PLEKHA2: variants seen among roughly 807,000 people sequenced by gnomAD.
PLEKHA2 encodes pleckstrin homology domain containing A2, also known as pleckstrin homology domain-containing family A member 2.
A neutral mutation model predicts 53.2 loss-of-function variants in PLEKHA2; 28 were observed. The ratio of observed to expected loss-of-function variants is 0.53; its 90% CI spans 0.39 to 0.72. The LOEUF is 0.72. PLEKHA2 is among the 30% of genes least tolerant of loss of function. The probability of loss-of-function intolerance (pLI) is 0.00; values close to 1 mark genes in which losing one functional copy is unlikely to be tolerated. For synonymous variants in PLEKHA2, 193 were observed against 196.4 expected (o/e 0.98, Z 0.14); for missense variants, 426 against 537.9 (o/e 0.79, Z 2.06).
chr8:38,938,919 T>G (rs553180437), intron 3 of PLEKHA2, among the ~76,000 whole-genome samples: 1 of 148,718 alleles, frequency 6.7e-6, no homozygotes, highest in African/African-American at 2.5e-5. Context: ...TTTTTTTAAA[T>G]TTGAGACAAA....
rs1189705359 is a variant in PLEKHA2 at position 38,969,711 on chromosome 8, G to A, written c.1206G>A (p.Glu402=). 1 of 1,457,794 alleles carries A rather than the reference G, an allele frequency of 6.9e-7. No individual in the cohort carries two copies. The highest frequency in any genetic ancestry group is 3.1e-5 in the East Asian group (1 of 32,518). 90.3% of individuals were successfully genotyped at this position (1,457,794 alleles called of 1,614,324 possible). A position where few individuals can be genotyped will look rare whatever the true frequency, so the allele number is the denominator to read the frequency against. ...LPSSRIRHRS[E]PQHPKEKPFM... ...GCTCCCGGATAAGGCACAGATCGGA[G>A]CCCCAGCACCCCAAGGAGAAGCCGT... The change falls in exon 12 of 12, where the codon GAG becomes GAA. Residue 402 remains glutamate, a synonymous_variant. Transcript: ENST00000617275.
At chr8:38,941,159 C>T (rs143719725) in intron 3 of PLEKHA2, among the ~76,000 whole-genome samples, 3,990 of 151,696 alleles carry the variant, frequency 0.026, 63 homozygotes, top group Middle Eastern at 0.055. Flanking sequence ...CGGGTTCAAG[C>T]GATTCTCCTG....
intron 1 of PLEKHA2, chr8:38,901,713 C>T (rs2152362241): frequency 6.7e-6 from 1 of 149,736 alleles, no homozygotes; most frequent in African/African-American, 2.5e-5. Context: ...AGGTCGCCGC[C>T]GCCAGGGGTC....
rs1181449673 is a variant in PLEKHA2 at position 38,970,482 on chromosome 8, C to A, written c.*699C>A. 6.3e-6 allele frequency: 1 copy of A among 158,440 alleles called. No individual in the cohort carries two copies. The highest frequency in any genetic ancestry group is 2.4e-5 in the African/African-American group (1 of 41,470). The allele number at this position is 158,440 out of a possible 1,614,324, so 9.8% of individuals were successfully genotyped here. On this transcript the variant is annotated 3_prime_UTR_variant, in exon 12 of 12. Coordinates refer to ENST00000617275, the MANE Select transcript of PLEKHA2 (RefSeq NM_021623.2). ...TGTTATGAGTTGCTGGCCAGAGATT[C>A]CTCAGATAAAAGAGCCTAGAAAATT...
intron 1 of PLEKHA2, among the ~76,000 whole-genome samples, chr8:38,917,030 C>T (rs1046412440): frequency 1.3e-5 from 2 of 152,146 alleles, no homozygotes; most frequent in South Asian, 2.1e-4. Context: ...TCAATGATGT[C>T]GAGCACCTTT....
At chr8:38,934,016 C>T (rs913430034) in intron 2 of PLEKHA2, among the ~76,000 whole-genome samples, 9 of 151,796 alleles carry the variant, frequency 5.9e-5, no homozygotes, top group Non-Finnish European at 1.0e-4. Flanking sequence ...GTATTATCCC[C>T]GTCCATTTTC....
At chr8:38,939,617 AG>A (rs1834562346) in intron 3 of PLEKHA2, among the ~76,000 whole-genome samples, 1 of 152,250 alleles carries the variant, frequency 6.6e-6, no homozygotes, top group Non-Finnish European at 1.5e-5. Flanking sequence ...CTCACAGCAC[AG>A]GCTGGCTAAT....
intron 1 of PLEKHA2, among the ~76,000 whole-genome samples, chr8:38,909,059 C>T (rs1216754328): frequency 6.6e-6 from 1 of 152,044 alleles, no homozygotes; most frequent in East Asian, 1.9e-4. Flanking sequence ...AGGAGAATAG[C>T]TTGAACCTGG....
chr8:38,923,110 T>C (rs1483862251), intron 2 of PLEKHA2, among the ~76,000 whole-genome samples: 1 of 152,186 alleles, frequency 6.6e-6, no homozygotes, highest in African/African-American at 2.4e-5. Context: ...GGGTAGCATA[T>C]CATTAGGTGC....
intron 1 of PLEKHA2, among the ~76,000 whole-genome samples, chr8:38,913,722 G>A (rs139749029): frequency 1.8e-3 from 267 of 152,296 alleles, no homozygotes; most frequent in Non-Finnish European, 3.3e-3. Context: ...AGGGAGCTGA[G>A]GCTTCTTTCC....
chr8:38,925,483 T>C (rs950997061), intron 2 of PLEKHA2, among the ~76,000 whole-genome samples: 1 of 152,200 alleles, frequency 6.6e-6, no homozygotes, highest in Non-Finnish European at 1.5e-5. Context: ...TCAAATTTAC[T>C]CTGTCAAATG....
intron 9 of PLEKHA2, among the ~76,000 whole-genome samples, chr8:38,955,184 G>A (rs892265959): frequency 2.0e-5 from 3 of 152,206 alleles, no homozygotes; most frequent in African/African-American, 4.8e-5. Context: ...GTGCCCAAAT[G>A]CATAGTCTTT....
At chr8:38,953,827 C>G (rs1156768746) in intron 9 of PLEKHA2, among the ~76,000 whole-genome samples, 1 of 152,084 alleles carries the variant, frequency 6.6e-6, no homozygotes, top group African/African-American at 2.4e-5. Flanking sequence ...CCCTGATGTC[C>G]CATTAACACA....
intron 10 of PLEKHA2, among the ~76,000 whole-genome samples, chr8:38,961,325 T>C (rs1262599516): frequency 6.6e-6 from 1 of 152,036 alleles, no homozygotes; most frequent in Non-Finnish European, 1.5e-5. Context: ...TCATCTGAGG[T>C]CAGGAGTTCG....
In PLEKHA2 at chr8:38,969,489, C is replaced by A; in HGVS notation, c.984C>A (p.Asn328Lys). The A allele has an allele frequency of 6.2e-7, 1 of 1,613,956 alleles. No individual in the cohort carries two copies. Among genetic ancestry groups the A allele is most frequent in the Non-Finnish European group, 8.5e-7 (1 of 1,179,864 alleles). Residue 328 changes from asparagine (N) to lysine (K), a missense_variant, in exon 12 of 12, where the codon AAC becomes AAA. Coordinates refer to ENST00000617275, the MANE Select transcript of PLEKHA2 (RefSeq NM_021623.2). ...GCTCCAGCCTTTCAAGTGGGCCCAA[C>A]TCTATCCTGTGCAGGGGGCGGCCAC... ...PGSSSLSSGP[N>K]SILCRGRPPL...
intron 1 of PLEKHA2, among the ~76,000 whole-genome samples, chr8:38,905,698 T>G (rs1373528617): frequency 6.7e-6 from 1 of 149,062 alleles, no homozygotes; most frequent in African/African-American, 2.5e-5. Flanking sequence ...TTTTTTTTTT[T>G]TTTTGAGACA....
intron 2 of PLEKHA2, among the ~76,000 whole-genome samples, chr8:38,920,375 CAA>C (rs1834161831): frequency 6.6e-6 from 1 of 151,920 alleles, no homozygotes; most frequent in Non-Finnish European, 1.5e-5. Flanking sequence ...AGGATGGTCT[CAA>C]GCTCCTGACC....
intron 2 of PLEKHA2, among the ~76,000 whole-genome samples, chr8:38,918,439 A>G (rs1588239264): frequency 8.3e-6 from 1 of 120,074 alleles, no homozygotes; most frequent in East Asian, 2.7e-4. Context: ...CACCATACAC[A>G]CACACAACCC....
chr8:38,933,295 A>G (rs1359833808), intron 2 of PLEKHA2, among the ~76,000 whole-genome samples: 1 of 152,014 alleles, frequency 6.6e-6, no homozygotes, highest in East Asian at 1.9e-4. Context: ...TTTCCATGGA[A>G]TTCTCCCCAC....
Sources: allele counts gnomAD v4.1 joint callset (sites outside exome capture counted in the v4.1 genomes callset), GRCh38; gene constraint gnomAD v4.1.1; transcripts MANE v1.5; gene names NCBI Gene and HGNC (gene_info 2026-07-23, HGNC 2026-07-21).